The following NOVA1 variants were observed in gnomAD, a reference collection of about 807,000 sequenced individuals.
The protein encoded by NOVA1 is NOVA alternative splicing regulator 1, also known as RNA-binding protein Nova-1.
Under a neutral mutation model 38.0 loss-of-function variants are expected in NOVA1, and 7 were observed. The ratio of observed to expected loss-of-function variants is 0.18; its 90% CI spans 0.10 to 0.35. The LOEUF is 0.35. Among genes scored for constraint, NOVA1 ranks in the 10% least tolerant of loss-of-function variants. The pLI is 1.00. For missense variants in NOVA1, 460 were observed against 616.0 expected, an observed-to-expected ratio of 0.75 and a Z score of 2.68; for synonymous variants, 270 against 232.5, an observed-to-expected ratio of 1.16 and a Z score of -1.47.
intron 2 of NOVA1, among the ~76,000 whole-genome samples, chr14:26,554,555 T>G (rs1454679787): frequency 6.6e-6 from 1 of 152,146 alleles, no homozygotes; most frequent in Non-Finnish European, 1.5e-5. Context: ...TCAGATTAAA[T>G]TGAAGTGCTC....
At chr14:26,582,601 AGC>A (rs1252629108) in intron 2 of NOVA1, among the ~76,000 whole-genome samples, 1 of 151,806 alleles carries the variant, frequency 6.6e-6, no homozygotes, top group Admixed American at 6.6e-5. Flanking sequence ...TAAATATGTT[AGC>A]ATTATTATTC....
At chr14:26,486,426 C>T (rs1055661652) in intron 2 of NOVA1, among the ~76,000 whole-genome samples, 3 of 151,780 alleles carry the variant, frequency 2.0e-5, no homozygotes, top group East Asian at 1.9e-4. Context: ...AAGTAGGTTC[C>T]GGGCCGGGCA....
At chr14:26,536,570 A>G (rs2138577933) in intron 2 of NOVA1, among the ~76,000 whole-genome samples, 2 of 152,136 alleles carry the variant, frequency 1.3e-5, no homozygotes, top group Middle Eastern at 6.8e-3. Flanking sequence ...ACTATTTGGA[A>G]AAAATAAAGC....
At chr14:26,542,051 A>C (rs1401483781) in intron 2 of NOVA1, among the ~76,000 whole-genome samples, 1 of 151,950 alleles carries the variant, frequency 6.6e-6, no homozygotes, top group Non-Finnish European at 1.5e-5. Flanking sequence ...AATTATCAAA[A>C]TTAAATATTA....
At chr14:26,496,193 C>T (rs548982965) in intron 2 of NOVA1, among the ~76,000 whole-genome samples, 2 of 151,892 alleles carry the variant, frequency 1.3e-5, no homozygotes, top group African/African-American at 4.8e-5. Context: ...GCCATTCTAA[C>T]TGGTGTGAGA....
intron 2 of NOVA1, among the ~76,000 whole-genome samples, chr14:26,589,711 GAAATGT>G (rs1392909607): frequency 6.6e-6 from 1 of 151,748 alleles, no homozygotes; most frequent in Non-Finnish European, 1.5e-5. Context: ...GTGGCATAGT[GAAATGT>G]AAATGCTTCT....
Position 26,530,396 on chromosome 14 carries a change from T to TAAGATTAAAAAAGC in NOVA1, c.281-50267_281-50254dup, listed in dbSNP as rs1889623229. On this transcript the variant is annotated intron_variant, in intron 2 of 4. Transcript: ENST00000539517. ...CGGAAAGATTTATCAAACATTCTGTTAAGATTAAAAAAGCAAGTATAATAT... is the reference window on the plus strand; with the variant it reads ...CGGAAAGATTTATCAAACATTCTGTTAAGATTAAAAAAGCAAGATTAAAAAAGCAAGTATAATAT... Among the ~76,000 whole-genome samples the TAAGATTAAAAAAGC allele has an allele frequency of 2.0e-5, 3 of 152,250 alleles. No individual in the cohort carries two copies. The South Asian group carries it at 6.2e-4, about 32-fold the overall frequency.
At chr14:26,566,598 G>C (rs178161) in intron 2 of NOVA1, among the ~76,000 whole-genome samples, 82,390 of 151,616 alleles carry the variant, frequency 0.54, 27,070 homozygotes, top group Non-Finnish European at 0.71. Flanking sequence ...TCATCTATTA[G>C]CCTACCTCTC....
At chr14:26,580,232 C>T (rs1295782580) in intron 2 of NOVA1, among the ~76,000 whole-genome samples, 1 of 152,008 alleles carries the variant, frequency 6.6e-6, no homozygotes, top group African/African-American at 2.4e-5. Context: ...TCATGAAAGA[C>T]AATATTAAAT....
At chr14:26,539,150 T>C (rs1010960901) in intron 2 of NOVA1, among the ~76,000 whole-genome samples, 3 of 152,114 alleles carry the variant, frequency 2.0e-5, no homozygotes, top group South Asian at 2.1e-4. Context: ...TTTACAAGAA[T>C]ACAAACTCCA....
chr14:26,497,285 T>G (rs976194925), intron 2 of NOVA1, among the ~76,000 whole-genome samples: 1 of 151,956 alleles, frequency 6.6e-6, no homozygotes, highest in Non-Finnish European at 1.5e-5. Flanking sequence ...CACTGCTCAA[T>G]GAAATAAAAG....
intron 2 of NOVA1, among the ~76,000 whole-genome samples, chr14:26,565,907 T>C (rs1279888653): frequency 1.3e-5 from 2 of 152,048 alleles, no homozygotes; most frequent in Admixed American, 6.6e-5. Flanking sequence ...AAAAATATAA[T>C]GATTCAGAAA....
At chr14:26,508,506 G>T (rs1010130854) in intron 2 of NOVA1, among the ~76,000 whole-genome samples, 22 of 151,320 alleles carry the variant, frequency 1.5e-4, no homozygotes, top group African/African-American at 5.3e-4. Context: ...TATATCCTAC[G>T]ATTTGATAAA....
At position 26,482,133 on chromosome 14, in the gene NOVA1, A is replaced by T. The variant is rs577284508; in HGVS notation, c.281-1990T>A. On this transcript the variant is annotated intron_variant, in intron 2 of 4. Transcript: ENST00000539517. ...CTTTTCAGATTGCAGAGACTAACAG[A>T]TAGTGAGTGGAAATTACTGAGCCAT... Among the ~76,000 whole-genome samples, 201 of 152,250 alleles carry T rather than the reference A, an allele frequency of 1.3e-3. 2 individuals carry two copies. The highest frequency in any genetic ancestry group is 2.3e-3 in the Non-Finnish European group (156 of 68,004).
chr14:26,532,358 A>G (rs1277172065), intron 2 of NOVA1, among the ~76,000 whole-genome samples: 1 of 152,240 alleles, frequency 6.6e-6, no homozygotes, highest in Admixed American at 6.5e-5. Context: ...AATAAAAAGG[A>G]ATAAATTACA....
At position 26,448,328 on chromosome 14, in the gene NOVA1, T is replaced by C. The variant is rs1266300324; in HGVS notation, c.1155A>G (p.Leu385=). 48 of 1,613,394 alleles carry C rather than the reference T, an allele frequency of 3.0e-5. No homozygotes were observed. The highest frequency in any genetic ancestry group is 3.8e-5 in the Non-Finnish European group (45 of 1,179,854). The part of the protein sequence containing the change: ...TAGGTAGTFA[L]GSLAAATAAT... ...CAGCAGTAGCAGCAGCCAGGCTACCTAATGCAAATGTCCCCGCCGTACCAC... is the reference window on the plus strand; with the variant it reads ...CAGCAGTAGCAGCAGCCAGGCTACCCAATGCAAATGTCCCCGCCGTACCAC... The change falls in exon 5 of 5, where the codon TTA becomes TTG. Residue 385 remains leucine (L), a synonymous_variant. Transcript: ENST00000539517. This position sits in a 1 kb window ranked among gnomAD's most constrained non-coding sequence, Gnocchi z 5.3.
intron 2 of NOVA1, among the ~76,000 whole-genome samples, chr14:26,562,357 T>A (rs1891881184): frequency 6.6e-6 from 1 of 152,134 alleles, no homozygotes; most frequent in Non-Finnish European, 1.5e-5. Context: ...GAGTATCAAA[T>A]GAAAATCTAT....
chr14:26,514,813 GACAA>G (rs58059894), intron 2 of NOVA1, among the ~76,000 whole-genome samples: 30,454 of 151,508 alleles, frequency 0.2, 3,247 homozygotes, highest in East Asian at 0.33. Context: ...TATGAATTGA[GACAA>G]ACACACTAAA....
intron 2 of NOVA1, among the ~76,000 whole-genome samples, chr14:26,524,940 C>T (rs894034136): frequency 4.6e-5 from 7 of 152,152 alleles, no homozygotes; most frequent in Non-Finnish European, 8.8e-5. Context: ...AGAAATACTA[C>T]GGCCCAAAAT....
Sources: gnomAD v4.1 joint callset for allele counts (sites outside exome capture counted in the v4.1 genomes callset) on GRCh38, gnomAD v4.1.1 for gene constraint, Gnocchi (gnomAD v3.1) non-coding constraint, MANE v1.5 for transcripts, NCBI Gene and HGNC (gene_info 2026-07-23, HGNC 2026-07-21) for gene names.